LILRB1: variants seen among roughly 807,000 people sequenced by gnomAD.
LILRB1 encodes the protein leukocyte immunoglobulin like receptor B1.
In LILRB1, 59 loss-of-function variants were observed where a neutral mutation model predicts 74.6. The ratio of observed to expected loss-of-function variants is 0.79; its 90% confidence interval spans 0.64 to 0.98. The LOEUF (loss-of-function observed/expected upper bound fraction) is 0.98. LILRB1 is among the 50% of genes least tolerant of loss of function. The probability of loss-of-function intolerance (pLI) is 0.00; values close to 1 mark genes in which losing one functional copy is unlikely to be tolerated. For missense variants in LILRB1, 804 were observed against 822.6 expected, an observed-to-expected ratio of 0.98 and a Z score of 0.28; for synonymous variants, 328 against 333.9, an observed-to-expected ratio of 0.98 and a Z score of 0.19.
In LILRB1 at chr19:54,632,526, C is replaced by T. The variant is rs780630124; in HGVS notation, c.724C>T (p.Leu242=). 5 of 1,614,102 alleles carry T rather than the reference C, an allele frequency of 3.1e-6. No individual in the cohort carries two copies. The South Asian group carries it at 5.5e-5, about 18-fold the overall frequency. The change falls in exon 6 of 15, where the codon CTG becomes TTG. Residue 242 remains leucine (L), a synonymous_variant. Coordinates refer to ENST00000324602, the MANE Select transcript of LILRB1 (RefSeq NM_001081637.3). ...PGPIVAPEET[L]TLQCGSDAGY... ...TCCTATCGTGGCCCCTGAGGAGACC[C>T]TGACTCTGCAGTGTGGCTCTGATGC... is the stretch of plus-strand genomic sequence containing the variant.
At position 54,630,778 on chromosome 19, in the gene LILRB1, A is replaced by G. The variant is rs2146235708; in HGVS notation, c.-49+145A>G. 5.4e-6 allele frequency: 4 copies of G among 738,328 alleles called. No homozygotes were observed. The South Asian group carries it at 6.1e-5, about 11-fold the overall frequency. The allele number at this position is 738,328 out of a possible 1,614,324, so 45.7% of individuals were successfully genotyped here. On this transcript the variant is annotated intron_variant, in intron 1 of 14. Transcript: ENST00000324602. Reference sequence around the variant, plus strand: ...AGGAACCAGTTTTATTTGCTGCTACATCCTGGCTCTCAGTGGGATGAAAAC... The same window carrying G: ...AGGAACCAGTTTTATTTGCTGCTACGTCCTGGCTCTCAGTGGGATGAAAAC...
chr19:54,636,493 G>A lies in LILRB1; in HGVS notation c.1654-1G>A, dbSNP rs1479880842. The A allele has an allele frequency of 3.1e-6, 5 of 1,611,436 alleles. No homozygotes were observed. In the South Asian group the frequency reaches 5.5e-5, roughly 18 times the overall value. On this transcript the variant is annotated splice_acceptor_variant, in intron 13 of 14. Coordinates refer to ENST00000324602, the MANE Select transcript of LILRB1 (RefSeq NM_001081637.3). LOFTEE classifies it high-confidence loss of function. ...CACCCCCCACCACTGTCTCTCTCCAGCAGAGCCCACACGATGAAGACCCCC... is the reference window on the plus strand; with the variant it reads ...CACCCCCCACCACTGTCTCTCTCCAACAGAGCCCACACGATGAAGACCCCC...
At position 54,632,112 on chromosome 19, in the gene LILRB1, G is replaced by C. The variant is rs201729705; in HGVS notation, c.536G>C (p.Arg179Pro). 1 of 1,613,978 alleles carries C rather than the reference G, an allele frequency of 6.2e-7. No individual in the cohort carries two copies. Among genetic ancestry groups the C allele is most frequent in the South Asian group, 1.1e-5 (1 of 91,086 alleles). Residue 179 changes from arginine to proline, a missense_variant, in exon 5 of 15, where the codon CGC (arginine) becomes CCC (proline). By Grantham distance (103) the Arg-to-Pro change is moderately radical (BLOSUM62 -2). Transcript: ENST00000324602. ...NSQPHARGSS[R>P]AIFSVGPVSP... ...CAGCCCCATGCCCGTGGGTCGTCCC[G>C]CGCCATCTTCTCCGTGGGCCCCGTG...
In LILRB1 at chr19:54,633,001, CCTT is replaced by C. The variant is rs201953632; in HGVS notation, c.959-9_959-7del. 475 of 1,608,570 alleles carry C rather than the reference CCTT, an allele frequency of 3.0e-4. 2 individuals are homozygous for C. In the East Asian group the frequency reaches 6.9e-3, roughly 23 times the overall value. On this transcript the variant is annotated splice_polypyrimidine_tract_variant and intron_variant, in intron 6 of 14. Coordinates refer to ENST00000324602, the MANE Select transcript of LILRB1 (RefSeq NM_001081637.3). ...CAAGGTGGGGCAGCCCCTCGCCCAT[CCTT>C]CTTCTCTCCAGGACAGTTCTATGAC...
At position 54,633,977 on chromosome 19, in the gene LILRB1, C is replaced by A; in HGVS notation, c.1319C>A (p.Pro440His). The A allele has an allele frequency of 6.3e-7, 1 of 1,596,410 alleles. No individual in the cohort carries two copies. Among genetic ancestry groups the A allele is most frequent in the Non-Finnish European group, 8.5e-7 (1 of 1,171,554 alleles). Reference sequence around the variant, plus strand: ...CCTCCCCGTCCTGACCCAGCAGGCCCTGAGGACCAGCCCCTCACCCCCACC... The same window carrying A: ...CCTCCCCGTCCTGACCCAGCAGGCCATGAGGACCAGCCCCTCACCCCCACC... ...TTGPTSTSAG[P>H]EDQPLTPTGS... The change falls in exon 9 of 15, where the codon CCT (proline) becomes CAT (histidine). Residue 440 changes from proline (P) to histidine (H), a missense_variant. Pro to His is a moderately conservative substitution (Grantham distance 77). Coordinates refer to ENST00000324602, the MANE Select transcript of LILRB1 (RefSeq NM_001081637.3).
At chr19:54,626,226 C>CT (rs1316243201), upstream of LILRB1, among the ~76,000 whole-genome samples, 4 of 152,160 alleles carry the variant, frequency 2.6e-5, no homozygotes, top group African/African-American at 9.7e-5. Flanking sequence ...ATGTGCTTGT[C>CT]TTTCATTTGA....
At chr19:54,636,408 T>C in intron 13 of LILRB1, 86 bp from the exon 14 acceptor site, 1 of 1,571,538 alleles carries the variant, frequency 6.4e-7, no homozygotes, top group South Asian at 1.2e-5. Context: ...AGGGATGTAA[T>C]CGGATCACCC....
chr19:54,633,107 A>G lies in LILRB1; in HGVS notation c.1050A>G (p.Gly350=), dbSNP rs2146268961. ...ENVTLLCQSQ[G]WMQTFLLTKE... ...TGACCCTGCTGTGTCAGTCACAGGG[A>G]TGGATGCAAACTTTCCTTCTGACCA... The change falls in exon 7 of 15, where the codon GGA becomes GGG. Residue 350 remains glycine, a synonymous_variant. Transcript: ENST00000324602. 2 of 1,614,226 alleles carry G rather than the reference A, an allele frequency of 1.2e-6. No homozygotes were observed.
At chr19:54,618,132 G>GA (rs1182166293) in intron 1 of LILRB1, among the ~76,000 whole-genome samples, 164 of 140,420 alleles carry the variant, frequency 1.2e-3, no homozygotes, top group African/African-American at 3.9e-3. Flanking sequence ...AAGAAAAAAA[G>GA]AAAAAAAAAG....
chr19:54,620,787 G>A (rs2063435680), intron 1 of LILRB1, among the ~76,000 whole-genome samples: 1 of 152,200 alleles, frequency 6.6e-6, no homozygotes, highest in Non-Finnish European at 1.5e-5. Flanking sequence ...ATCAACCGTT[G>A]GTGGACACTT....
At position 54,635,257 on chromosome 19, in the gene LILRB1, A is replaced by C; in HGVS notation, c.1563-2A>C. On this transcript the variant is annotated splice_acceptor_variant, in intron 11 of 14. Transcript: ENST00000324602. LOFTEE classifies it high-confidence loss of function. ...CCCCTAAAGCTCCCATTCTTCCCCC[A>C]GGTCCAGCCCAGCTGCCGATGCCCA... 6.2e-7 allele frequency: 1 copy of C among 1,612,220 alleles called. No individual in the cohort carries two copies. The highest frequency in any genetic ancestry group is 8.5e-7 in the Non-Finnish European group (1 of 1,178,440).
chr19:54,630,909 C>A, intron 1 of LILRB1, 117 bp from the exon 2 acceptor site: 2 of 1,212,578 alleles, frequency 1.6e-6, no homozygotes, highest in Non-Finnish European at 2.2e-6. Context: ...GGAATGAGAG[C>A]AAGGGTCCTG....
In LILRB1 at chr19:54,632,571, C is replaced by G; in HGVS notation, c.769C>G (p.Leu257Val). The change falls in exon 6 of 15, where the codon CTG becomes GTG. Residue 257 changes from leucine to valine, a missense_variant. Leu to Val is a conservative substitution (Grantham distance 32, BLOSUM62 1). Transcript: ENST00000324602. ...TGATGCTGGCTACAACAGATTTGTT[C>G]TGTATAAGGACGGGGAACGTGACTT... Reference protein sequence around the residue: ...GSDAGYNRFVLYKDGERDFLQ... With the variant: ...GSDAGYNRFVVYKDGERDFLQ... 2.5e-6 allele frequency: 4 copies of G among 1,614,144 alleles called. No individual in the cohort carries two copies. The highest frequency in any genetic ancestry group is 3.4e-6 in the Non-Finnish European group (4 of 1,180,010).
chr19:54,631,869 GC>G (rs1265211609), intron 4 of LILRB1, 65 bp from the exon 5 acceptor site: 2 of 1,606,280 alleles, frequency 1.2e-6, no homozygotes, highest in African/African-American at 2.7e-5. Flanking sequence ...CCCTCTCACA[GC>G]CCAGCCCTGG....
At chr19:54,633,376 A>G in intron 7 of LILRB1, 58 bp downstream of exon 7, 1 of 1,555,168 alleles carries the variant, frequency 6.4e-7, no homozygotes, top group Admixed American at 1.8e-5. Flanking sequence ...ACCCTGCCCC[A>G]GGAGAGCTCT....
chr19:54,629,066 C>T (rs2063679603), upstream of LILRB1, among the ~76,000 whole-genome samples: 1 of 152,206 alleles, frequency 6.6e-6, no homozygotes. Context: ...CCCAAATAAA[C>T]TCAAAATCCA....
In LILRB1 at chr19:54,634,778, G is replaced by C. The variant is rs1180824307; in HGVS notation, c.1486+15G>C. 9 of 1,613,108 alleles carry C rather than the reference G, an allele frequency of 5.6e-6. 1 individual carries two copies. The South Asian group carries it at 9.9e-5, about 18-fold the overall frequency. On this transcript the variant is annotated intron_variant, in intron 10 of 14. Coordinates refer to ENST00000324602, the MANE Select transcript of LILRB1 (RefSeq NM_001081637.3). ...CTGGACATCGAGTGAGTAGGGAATGGGGGGACCCTGAGGGCTGACCGAGGG... is the reference window on the plus strand; with the variant it reads ...CTGGACATCGAGTGAGTAGGGAATGCGGGGACCCTGAGGGCTGACCGAGGG...
At chr19:54,632,288 G>A in intron 5 of LILRB1, 51 bp downstream of exon 5, 1 of 1,584,070 alleles carries the variant, frequency 6.3e-7, no homozygotes, top group Non-Finnish European at 8.6e-7. Context: ...CAGGCAGGTG[G>A]GGAGCAGCCG....
chr19:54,634,784 C>T, intron 10 of LILRB1, 21 bp downstream of exon 10: 3 of 1,612,266 alleles, frequency 1.9e-6, no homozygotes, highest in South Asian at 2.2e-5. Flanking sequence ...AATGGGGGGA[C>T]CCTGAGGGCT....
Sources: allele counts gnomAD v4.1 joint callset (sites outside exome capture counted in the v4.1 genomes callset), GRCh38; gene constraint gnomAD v4.1.1; transcripts MANE v1.5; gene names NCBI Gene and HGNC (gene_info 2026-07-23, HGNC 2026-07-21).